ARSJ: variants seen among roughly 807,000 people sequenced by gnomAD.
The protein encoded by ARSJ is arylsulfatase family member J.
A neutral mutation model predicts 35.9 loss-of-function variants in ARSJ; 26 were observed. That is an observed-to-expected ratio of 0.72 (90% CI 0.53 to 1.00). ARSJ has a LOEUF of 1.00. ARSJ is among the 50% of genes least tolerant of loss of function. The pLI is 0.00. For synonymous variants in ARSJ, 294 were observed against 267.6 expected (o/e 1.10, Z -0.96); for missense variants, 667 against 723.6 (o/e 0.92, Z 0.90).
intron 1 of ARSJ, among the ~76,000 whole-genome samples, chr4:113,956,275 G>A (rs575091615): frequency 4.4e-4 from 67 of 152,114 alleles, no homozygotes; most frequent in African/African-American, 1.1e-3. Flanking sequence ...AAAGAGCCAC[G>A]CCACCTCTCC....
At chr4:113,918,853 C>T (rs116081747) in intron 1 of ARSJ, among the ~76,000 whole-genome samples, 2,600 of 152,074 alleles carry the variant, frequency 0.017, 74 homozygotes, top group African/African-American at 0.058. Context: ...AGTGCAGTGG[C>T]GTTATCACAG....
chr4:113,906,461 C>A (rs906571675), intron 1 of ARSJ, among the ~76,000 whole-genome samples: 3 of 152,206 alleles, frequency 2.0e-5, no homozygotes, highest in African/African-American at 7.2e-5. Flanking sequence ...TATGAGGTTT[C>A]TGTCTTCTCT....
At chr4:113,922,158 G>A (rs2149259241) in intron 1 of ARSJ, among the ~76,000 whole-genome samples, 1 of 152,068 alleles carries the variant, frequency 6.6e-6, no homozygotes, top group South Asian at 2.1e-4. Context: ...TCTTCCCAAG[G>A]GACATCTTCT....
At chr4:113,914,584 G>T (rs768609443) in intron 1 of ARSJ, among the ~76,000 whole-genome samples, 16 of 152,134 alleles carry the variant, frequency 1.1e-4, no homozygotes, top group Non-Finnish European at 1.6e-4. Flanking sequence ...CCTGCAATTA[G>T]CCACACATAG....
At chr4:113,961,897 CTGTGTGTGTG>C (rs60701922) in intron 1 of ARSJ, among the ~76,000 whole-genome samples, 6,651 of 148,034 alleles carry the variant, frequency 0.045, 158 homozygotes, top group Admixed American at 0.055. Flanking sequence ...CTCTCTCTCT[CTGTGTGTGTG>C]TGTGTGTGTG....
At chr4:113,956,258 T>C (rs1008866072) in intron 1 of ARSJ, among the ~76,000 whole-genome samples, 2 of 152,058 alleles carry the variant, frequency 1.3e-5, no homozygotes, top group Admixed American at 6.6e-5. Context: ...TTTAAACCCA[T>C]AATAATAAAG....
At chr4:113,964,905 TA>T (rs762220322) in intron 1 of ARSJ, among the ~76,000 whole-genome samples, 5 of 152,128 alleles carry the variant, frequency 3.3e-5, no homozygotes, top group Non-Finnish European at 5.9e-5. Flanking sequence ...CTTACAGTCC[TA>T]AATATCTAAT....
In ARSJ at chr4:113,901,918, T is replaced by A; in HGVS notation, c.*356A>T. 1 of 169,724 alleles carries A rather than the reference T, an allele frequency of 5.9e-6. No homozygotes were observed. The allele number at this position is 169,724 out of a possible 1,614,324, so 10.5% of individuals were successfully genotyped here. ...GGTATACCCTGTAACTTCCATCAAA[T>A]TAGCATGCTTGCGGATGGTAGGTTA... On this transcript the variant is annotated 3_prime_UTR_variant, in exon 2 of 2. Transcript: ENST00000315366.
chr4:113,930,325 T>C (rs67810490), intron 1 of ARSJ, among the ~76,000 whole-genome samples: 24,837 of 152,090 alleles, frequency 0.16, 2,463 homozygotes, highest in Middle Eastern at 0.31. Context: ...GAGAACAATG[T>C]AGGCTTGGAG....
chr4:113,914,193 C>T (rs1275990974), intron 1 of ARSJ, among the ~76,000 whole-genome samples: 3 of 151,998 alleles, frequency 2.0e-5, no homozygotes, highest in African/African-American at 4.8e-5. Context: ...AGGCTGGTCT[C>T]GAACTCCTGA....
chr4:113,901,910 C>A lies in ARSJ; in HGVS notation c.*364G>T. 3.3e-6 allele frequency: 1 copy of A among 300,696 alleles called. No homozygotes were observed. The highest frequency in any genetic ancestry group is 6.5e-6 in the Non-Finnish European group (1 of 153,236). The allele number at this position is 300,696 out of a possible 1,614,324, so 18.6% of individuals were successfully genotyped here. ...TTGCGGATGGTATACCCTGTAACTTCCATCAAATTAGCATGCTTGCGGATG... is the reference window on the plus strand; with the variant it reads ...TTGCGGATGGTATACCCTGTAACTTACATCAAATTAGCATGCTTGCGGATG... On this transcript the variant is annotated 3_prime_UTR_variant, in exon 2 of 2. Coordinates refer to ENST00000315366, the MANE Select transcript of ARSJ (RefSeq NM_024590.4).
chr4:113,959,252 C>T (rs1316508568), intron 1 of ARSJ, among the ~76,000 whole-genome samples: 1 of 151,886 alleles, frequency 6.6e-6, no homozygotes, highest in Non-Finnish European at 1.5e-5. Context: ...TTTCTGTTTA[C>T]CCTCAGTTCA....
chr4:113,927,630 G>C (rs1405982646), intron 1 of ARSJ, among the ~76,000 whole-genome samples: 1 of 152,174 alleles, frequency 6.6e-6, no homozygotes, highest in Admixed American at 6.5e-5. Context: ...CTGCATACCA[G>C]GTACCAGGAG....
chr4:113,969,448 T>C (rs1228467912), intron 1 of ARSJ, among the ~76,000 whole-genome samples: 1 of 152,216 alleles, frequency 6.6e-6, no homozygotes, highest in Non-Finnish European at 1.5e-5. Flanking sequence ...AAGCCACTTC[T>C]TGTAAGGTTT....
At chr4:113,926,781 A>G (rs912811921) in intron 1 of ARSJ, among the ~76,000 whole-genome samples, 1 of 152,174 alleles carries the variant, frequency 6.6e-6, no homozygotes, top group African/African-American at 2.4e-5. Context: ...TTGATGACCC[A>G]TAGTCAGACG....
intron 1 of ARSJ, among the ~76,000 whole-genome samples, chr4:113,932,946 T>C (rs77200133): frequency 0.016 from 2,404 of 151,892 alleles, 64 homozygotes; most frequent in African/African-American, 0.054. Flanking sequence ...AGAAACAGAA[T>C]TGACAGACTT....
chr4:113,977,748 G>A (rs1045422439), intron 1 of ARSJ, among the ~76,000 whole-genome samples: 2 of 152,180 alleles, frequency 1.3e-5, no homozygotes, highest in African/African-American at 4.8e-5. Flanking sequence ...CATCCAAATA[G>A]TCTGATTTCT....
chr4:113,923,429 T>C (rs534153800), intron 1 of ARSJ, among the ~76,000 whole-genome samples: 38 of 152,286 alleles, frequency 2.5e-4, no homozygotes, highest in African/African-American at 7.7e-4. Context: ...GAATTCTACT[T>C]ATTCTTCAAA....
chr4:113,903,799 T>A (rs1594374649), intron 1 of ARSJ, 124 bp from the exon 2 acceptor site: 7 of 1,297,548 alleles, frequency 5.4e-6, no homozygotes, highest in Non-Finnish European at 2.1e-6. Context: ...TTGACCCCAA[T>A]GATAAATGAC....
Sources: allele counts gnomAD v4.1 joint callset (sites outside exome capture counted in the v4.1 genomes callset), GRCh38; gene constraint gnomAD v4.1.1; transcripts MANE v1.5; gene names NCBI Gene and HGNC (gene_info 2026-07-23, HGNC 2026-07-21).